The following DNAH11 variants were observed in gnomAD, a reference collection of about 807,000 sequenced individuals.
The protein encoded by DNAH11 is axonemal beta dynein heavy chain 11.
DNAH11 carries 442 observed loss-of-function variants against 526.0 expected under a neutral mutation model. The observed-to-expected ratio is 0.84, with a 90% CI of 0.78 to 0.91. The LOEUF (loss-of-function observed/expected upper bound fraction) is 0.91, where lower values mean the gene tolerates loss of function less well. DNAH11 is among the 40% of genes least tolerant of loss of function. The probability of loss-of-function intolerance (pLI) is 0.00; values close to 1 mark genes in which losing one functional copy is unlikely to be tolerated. For synonymous variants in DNAH11, 2,461 were observed against 1,935.9 expected, an observed-to-expected ratio of 1.27 and a Z score of -7.12; for missense variants, 6,989 against 5,448.7, an observed-to-expected ratio of 1.28 and a Z score of -8.90.
chr7:21,705,808 A>G (rs547402024), intron 39 of DNAH11, among the ~76,000 whole-genome samples: 58 of 152,306 alleles, frequency 3.8e-4, no homozygotes, highest in African/African-American at 1.4e-3. Context: ...TCCACGTGAG[A>G]TGTTCAGTAT....
intron 75 of DNAH11, among the ~76,000 whole-genome samples, chr7:21,882,209 C>G (rs907962776): frequency 6.6e-6 from 1 of 152,156 alleles, no homozygotes; most frequent in Non-Finnish European, 1.5e-5. Context: ...AGTGGACACA[C>G]GTGTTTCTCT....
At chr7:21,834,029 A>C (rs1250012513) in intron 65 of DNAH11, among the ~76,000 whole-genome samples, 1 of 152,182 alleles carries the variant, frequency 6.6e-6, no homozygotes, top group African/African-American at 2.4e-5. Flanking sequence ...AGAACATTCC[A>C]CCCAATAGCG....
At chr7:21,701,361 C>T (rs1025584565) in intron 36 of DNAH11, among the ~76,000 whole-genome samples, 2 of 150,662 alleles carry the variant, frequency 1.3e-5, no homozygotes, top group Non-Finnish European at 1.5e-5. Context: ...GTGATCATAG[C>T]TCACCACAGC....
chr7:21,595,565 G>A lies in DNAH11; in HGVS notation c.2667+3988G>A, dbSNP rs148866583. ...ACATTTTGTCATGATCAACTGGAAA[G>A]GTGAATTTGCAATCTATTCAGATGG... On this transcript the variant is annotated intron_variant, in intron 14 of 81. Coordinates refer to ENST00000409508, the MANE Select transcript of DNAH11 (RefSeq NM_001277115.2). Among the ~76,000 whole-genome samples, 1,378 of 152,308 alleles carry A rather than the reference G, an allele frequency of 9.0e-3. 7 individuals are homozygous for A. The highest frequency in any genetic ancestry group is 0.015 in the Non-Finnish European group (1,003 of 68,026).
intron 21 of DNAH11, 60 bp from the exon 22 acceptor site, chr7:21,616,149 C>T: frequency 7.9e-7 from 1 of 1,259,156 alleles, no homozygotes. Flanking sequence ...ATATATTTTG[C>T]TGCAGAGACT....
chr7:21,830,929 C>T (rs1407803194), intron 65 of DNAH11, among the ~76,000 whole-genome samples: 1 of 152,146 alleles, frequency 6.6e-6, no homozygotes, highest in Non-Finnish European at 1.5e-5. Context: ...TTCTCATCTC[C>T]AAACCAGCAA....
intron 7 of DNAH11, among the ~76,000 whole-genome samples, chr7:21,571,441 A>G (rs999951372): frequency 1.2e-4 from 18 of 151,850 alleles, no homozygotes; most frequent in Non-Finnish European, 2.4e-4. Flanking sequence ...CACCATGCCT[A>G]GTTAACTTTT....
intron 44 of DNAH11, among the ~76,000 whole-genome samples, chr7:21,724,406 C>A (rs1055295235): frequency 4.6e-5 from 7 of 152,186 alleles, no homozygotes; most frequent in African/African-American, 1.7e-4. Context: ...AGTTTATAGG[C>A]CATAATCCAA....
At chr7:21,638,503 A>G (rs975978648) in intron 27 of DNAH11, among the ~76,000 whole-genome samples, 77 of 152,244 alleles carry the variant, frequency 5.1e-4, no homozygotes, top group Non-Finnish European at 2.1e-4. Flanking sequence ...GAGGGAAGTC[A>G]CTTGTGTTTT....
In DNAH11 at chr7:21,789,192, G is replaced by C. The variant is rs749477413; in HGVS notation, c.9925-49G>C. On this transcript the variant is annotated intron_variant, in intron 60 of 81. Coordinates refer to ENST00000409508, the MANE Select transcript of DNAH11 (RefSeq NM_001277115.2). ...TAAAGCATCCATCCTATCTGGGATT[G>C]AATGATTACTTATCCTCTTTGTATC... is the stretch of plus-strand genomic sequence containing the variant. 5.3e-6 allele frequency: 7 copies of C among 1,332,628 alleles called. No homozygotes were observed. The South Asian group carries it at 9.0e-5, about 17-fold the overall frequency. 82.6% of individuals were successfully genotyped at this position (1,332,628 alleles called of 1,614,324 possible). A position where few individuals can be genotyped will look rare whatever the true frequency, so the allele number is the denominator to read the frequency against.
intron 44 of DNAH11, 64 bp downstream of exon 44, chr7:21,720,920 G>T: frequency 6.4e-7 from 1 of 1,568,596 alleles, no homozygotes; most frequent in East Asian, 2.3e-5. Flanking sequence ...TCATGGGGAG[G>T]TTAAAACATG....
intron 61 of DNAH11, among the ~76,000 whole-genome samples, chr7:21,799,706 TG>T (rs1290912560): frequency 6.6e-6 from 1 of 152,210 alleles, no homozygotes; most frequent in East Asian, 1.9e-4. Context: ...AATGCTATTT[TG>T]CATATTAATC....
chr7:21,702,510 A>C (rs553245776), intron 36 of DNAH11, among the ~76,000 whole-genome samples, 200 bp from the exon 37 acceptor site: 1 of 152,062 alleles, frequency 6.6e-6, no homozygotes, highest in Non-Finnish European at 1.5e-5. Context: ...AGAGGCAAAA[A>C]AAAAAAGGTG....
chr7:21,552,118 T>C (rs546660236), intron 2 of DNAH11, among the ~76,000 whole-genome samples: 19 of 152,060 alleles, frequency 1.2e-4, no homozygotes, highest in Non-Finnish European at 2.5e-4. Context: ...CTCCCCAGGT[T>C]TGAATGAGCA....
At chr7:21,600,228 G>A in intron 15 of DNAH11, 109 bp downstream of exon 15, 1 of 968,524 alleles carries the variant, frequency 1.0e-6, no homozygotes, top group Non-Finnish European at 1.5e-6. Flanking sequence ...GGGAGGCTGA[G>A]GCAAGAGGAT....
chr7:21,616,958 A>G (rs964344606), intron 22 of DNAH11, among the ~76,000 whole-genome samples: 2 of 151,762 alleles, frequency 1.3e-5, no homozygotes, highest in African/African-American at 4.8e-5. Flanking sequence ...GCTTCTACCC[A>G]CTCTCGCCTG....
intron 28 of DNAH11, among the ~76,000 whole-genome samples, chr7:21,642,724 C>G (rs1016678241): frequency 6.6e-6 from 1 of 152,136 alleles, no homozygotes; most frequent in African/African-American, 2.4e-5. Context: ...CTCACCCAAA[C>G]TCCATTTAAG....
chr7:21,635,789 A>T, intron 25 of DNAH11, 82 bp from the exon 26 acceptor site: 1 of 1,142,298 alleles, frequency 8.8e-7, no homozygotes, highest in Non-Finnish European at 1.2e-6. Flanking sequence ...AGCAATAAAC[A>T]GAGTAGATAT....
Position 21,545,973 on chromosome 7 carries a change from A to G in DNAH11, c.495+824A>G, listed in dbSNP as rs78305918. ...TACCAGTTAATTTAGAACGTCCTGA[A>G]TGGGAGCCAAGTAGCAGCAGTTGTT... On this transcript the variant is annotated intron_variant, in intron 2 of 81. Coordinates refer to ENST00000409508, the MANE Select transcript of DNAH11 (RefSeq NM_001277115.2). 9.4e-3 allele frequency among the ~76,000 whole-genome samples: 1,424 copies of G among 152,246 alleles called. 16 individuals are homozygous for G. The highest frequency in any genetic ancestry group is 0.031 in the African/African-American group (1,304 of 41,530).
Sources: gnomAD v4.1 joint callset for allele counts (sites outside exome capture counted in the v4.1 genomes callset) on GRCh38, gnomAD v4.1.1 for gene constraint, MANE v1.5 for transcripts, NCBI Gene and HGNC (gene_info 2026-07-23, HGNC 2026-07-21) for gene names.